CADM2: variants seen among roughly 807,000 people sequenced by gnomAD.
CADM2 encodes the protein cell adhesion molecule 2, also known as immunoglobulin superfamily member 4D.
A neutral mutation model predicts 49.8 loss-of-function variants in CADM2; 12 were observed. That is an observed-to-expected ratio of 0.24 (90% confidence interval 0.15 to 0.39). The LOEUF is 0.39. Ranked by LOEUF, CADM2 falls within the 10% of genes least tolerant of loss-of-function variation. The probability of loss-of-function intolerance (pLI) is 1.00; values close to 1 mark genes in which losing one functional copy is unlikely to be tolerated. For synonymous variants in CADM2, 214 were observed against 175.4 expected, an observed-to-expected ratio of 1.22 and a Z score of -1.74; for missense variants, 378 against 492.3, an observed-to-expected ratio of 0.77 and a Z score of 2.20.
chr3:85,332,036 C>T (rs940584999), intron 1 of CADM2, among the ~76,000 whole-genome samples: 3 of 152,014 alleles, frequency 2.0e-5, no homozygotes, highest in Non-Finnish European at 4.4e-5. Flanking sequence ...TATGACCCTA[C>T]CCAAGCCATA....
At chr3:85,831,314 T>C (rs550774291) in intron 3 of CADM2, among the ~76,000 whole-genome samples, 14 of 152,092 alleles carry the variant, frequency 9.2e-5, no homozygotes, top group Non-Finnish European at 1.8e-4. Context: ...TGACTTTTGG[T>C]AGAATGATTT....
chr3:85,266,810 G>A (rs576333673), intron 1 of CADM2, among the ~76,000 whole-genome samples: 3 of 151,760 alleles, frequency 2.0e-5, no homozygotes, highest in Non-Finnish European at 4.4e-5. Flanking sequence ...GACAAATAGA[G>A]GGGAAAGCCA....
chr3:85,020,379 T>C (rs2034445136), intron 1 of CADM2, among the ~76,000 whole-genome samples: 1 of 152,206 alleles, frequency 6.6e-6, no homozygotes, highest in South Asian at 2.1e-4. Context: ...TCATGGAACA[T>C]ATTTAAAAAT....
At chr3:85,764,733 G>A (rs1193790865) in intron 2 of CADM2, among the ~76,000 whole-genome samples, 1 of 151,994 alleles carries the variant, frequency 6.6e-6, no homozygotes, top group Non-Finnish European at 1.5e-5. Context: ...TAAAGAAATT[G>A]CAAGTTCCTA....
At chr3:85,464,946 A>G (rs1300854043) in intron 1 of CADM2, among the ~76,000 whole-genome samples, 3 of 152,062 alleles carry the variant, frequency 2.0e-5, no homozygotes, top group Non-Finnish European at 4.4e-5. Flanking sequence ...TCAGCAGATC[A>G]AGACCATCCT....
At position 85,082,313 on chromosome 3, in the gene CADM2, C is replaced by T. The variant is rs535716739; in HGVS notation, c.61+122645C>T. Among the ~76,000 whole-genome samples, 15 of 152,210 alleles carry T rather than the reference C, an allele frequency of 9.9e-5. No individual in the cohort carries two copies. In the South Asian group the frequency reaches 2.7e-3, roughly 27 times the overall value. On this transcript the variant is annotated intron_variant, in intron 1 of 9. Transcript: ENST00000383699. The stretch of plus-strand genomic sequence containing the variant: ...GGACCTTATTACATATTATGTCTTA[C>T]ATTTTTGCAAAATATATTTAACTGC...
intron 4 of CADM2, among the ~76,000 whole-genome samples, chr3:85,884,014 G>T (rs1713198031): frequency 6.6e-6 from 1 of 152,098 alleles, no homozygotes. Flanking sequence ...GCTTCAGCTT[G>T]CAGCTTGTAG....
In CADM2 at chr3:85,541,779, A is replaced by ATATTTTATATATATATTTTATATTT. The variant is rs2061553661; in HGVS notation, c.62-184740_62-184739insTTTATATATATATTTTATATTTTAT. 3.8e-5 allele frequency among the ~76,000 whole-genome samples: 3 copies of ATATTTTATATATATATTTTATATTT among 78,156 alleles called. 1 individual carries two copies. The highest frequency in any genetic ancestry group is 1.3e-4 in the African/African-American group (3 of 22,338). The allele number at this position is 78,156 out of a possible 152,430, so 51.3% of individuals were successfully genotyped here. A position where few individuals can be genotyped will look rare whatever the true frequency, so the allele number is the denominator to read the frequency against. On this transcript the variant is annotated intron_variant, in intron 1 of 9. Coordinates refer to ENST00000383699, the MANE Select transcript of CADM2 (RefSeq NM_001167675.2). ...TTTATATATATATTTTATATTTTAT[A>ATATTTTATATATATATTTTATATTT]TATATATATATATATGTATAGTGTT...
chr3:85,950,366 A>T (rs947821109), intron 7 of CADM2, among the ~76,000 whole-genome samples: 2 of 151,306 alleles, frequency 1.3e-5, no homozygotes, highest in East Asian at 3.9e-4. Context: ...TTTTTCTTTC[A>T]ATGCAAAAAT....
chr3:85,363,595 T>A (rs2032516348), intron 1 of CADM2, among the ~76,000 whole-genome samples: 2 of 152,188 alleles, frequency 1.3e-5, no homozygotes, highest in Admixed American at 6.5e-5. Flanking sequence ...TATTTTGATT[T>A]GATATCTTTA....
chr3:84,959,056 C>T lies in CADM2; in HGVS notation c.-552C>T. 9.9e-6 allele frequency: 2 copies of T among 201,256 alleles called. No homozygotes were observed. The highest frequency in any genetic ancestry group is 6.7e-5 in the South Asian group (1 of 14,974). 12.5% of individuals were successfully genotyped at this position (201,256 alleles called of 1,614,324 possible). On this transcript the variant is annotated 5_prime_UTR_variant, in exon 1 of 10. Transcript: ENST00000383699. ...CCGCTGCAGCCGGAGCATCCGGGAGCCGCCACTGCCGCCGCCGCTGCCGCT... is the reference window on the plus strand; with the variant it reads ...CCGCTGCAGCCGGAGCATCCGGGAGTCGCCACTGCCGCCGCCGCTGCCGCT...
chr3:85,113,507 A>G (rs1363067277), intron 1 of CADM2, among the ~76,000 whole-genome samples: 1 of 152,122 alleles, frequency 6.6e-6, no homozygotes. Flanking sequence ...GAATTAGAAT[A>G]GTAAGGTCAT....
intron 8 of CADM2, among the ~76,000 whole-genome samples, chr3:85,991,541 CAAT>C (rs1282950537): frequency 6.6e-6 from 1 of 152,038 alleles, no homozygotes; most frequent in Non-Finnish European, 1.5e-5. Context: ...ACACCCATTG[CAAT>C]AATAAGTTAA....
chr3:85,947,275 T>A (rs1722844032), intron 7 of CADM2, among the ~76,000 whole-genome samples: 1 of 151,734 alleles, frequency 6.6e-6, no homozygotes, highest in African/African-American at 2.4e-5. Context: ...AAAATGTTAC[T>A]AAAATAACTA....
rs139789239 is a variant in CADM2 at position 85,329,501 on chromosome 3, C to T, written c.61+369833C>T. 1.3e-3 allele frequency among the ~76,000 whole-genome samples: 202 copies of T among 151,910 alleles called. 1 individual carries two copies. Among genetic ancestry groups the T allele is most frequent in the African/African-American group, 4.3e-3 (180 of 41,414 alleles). ...AGAAGAATTGCTTGAACCCAGGGGG[C>T]GGAGGTTGCAGTGAGCCGAGATTGC... On this transcript the variant is annotated intron_variant, in intron 1 of 9. Coordinates refer to ENST00000383699, the MANE Select transcript of CADM2 (RefSeq NM_001167675.2).
chr3:85,963,607 A>T (rs1725109769), intron 8 of CADM2, among the ~76,000 whole-genome samples: 1 of 151,964 alleles, frequency 6.6e-6, no homozygotes. Flanking sequence ...CAAAAGCAAT[A>T]TGACATAAAA....
chr3:85,568,461 T>TTTCTCTC (rs1559915989), intron 1 of CADM2, among the ~76,000 whole-genome samples: 253 of 15,196 alleles, frequency 0.017, 9 homozygotes, highest in African/African-American at 0.035. Flanking sequence ...CTTTCTTTCT[T>TTTCTCTC]TCTCTTTCTC....
chr3:85,382,049 A>T (rs1037725367), intron 1 of CADM2, among the ~76,000 whole-genome samples: 2 of 152,114 alleles, frequency 1.3e-5, no homozygotes, highest in African/African-American at 2.4e-5. Flanking sequence ...TGAAAAAAGA[A>T]TCAACTCTGA....
intron 1 of CADM2, among the ~76,000 whole-genome samples, chr3:85,086,053 A>G (rs1433711189): frequency 2.0e-5 from 3 of 152,186 alleles, no homozygotes; most frequent in South Asian, 2.1e-4. Flanking sequence ...TTATTTCCAC[A>G]TAGAATACTT....
Sources: allele counts gnomAD v4.1 joint callset (sites outside exome capture counted in the v4.1 genomes callset), GRCh38; gene constraint gnomAD v4.1.1; transcripts MANE v1.5; gene names NCBI Gene and HGNC (gene_info 2026-07-23, HGNC 2026-07-21).